Variants in APP observed in about 807,000 individuals in gnomAD.
APP encodes amyloid-beta precursor protein.
In APP, 31 loss-of-function variants were observed where a neutral mutation model predicts 101.4. The observed-to-expected ratio is 0.31, with a 90% CI of 0.23 to 0.41. The LOEUF (loss-of-function observed/expected upper bound fraction) is 0.41, where lower values mean the gene tolerates loss of function less well. Ranked by LOEUF, APP falls within the 10% of genes least tolerant of loss-of-function variation. APP has a pLI of 1.00. For synonymous variants in APP, 366 were observed against 364.4 expected (o/e 1.00, Z -0.05); for missense variants, 839 against 1,003.7 (o/e 0.84, Z 2.22).
intron 10 of APP, among the ~76,000 whole-genome samples, chr21:25,975,742 A>C (rs1263074942): frequency 6.6e-6 from 1 of 152,252 alleles, no homozygotes; most frequent in Non-Finnish European, 1.5e-5. Flanking sequence ...TGTGAGTTTT[A>C]TGGCAATGAA....
At chr21:25,905,216 C>T (rs2038727275) in intron 14 of APP, 139 bp from the exon 15 acceptor site, 1 of 747,464 alleles carries the variant, frequency 1.3e-6, no homozygotes, top group Non-Finnish European at 2.4e-6. Context: ...AGAAAAGAAC[C>T]ACAGTGAGTT....
intron 5 of APP, among the ~76,000 whole-genome samples, chr21:26,036,810 C>T (rs141925442): frequency 2.0e-5 from 3 of 152,226 alleles, no homozygotes; most frequent in South Asian, 2.1e-4. Context: ...AGCTACCATA[C>T]GATCCAGCAA....
chr21:26,119,120 G>C (rs7282911), intron 1 of APP, among the ~76,000 whole-genome samples: 1 of 152,024 alleles, frequency 6.6e-6, no homozygotes, highest in South Asian at 2.1e-4. Flanking sequence ...CTCAAAACCC[G>C]CCTAGAGTCT....
At chr21:25,907,053 G>T (rs542142725) in intron 14 of APP, among the ~76,000 whole-genome samples, 44 of 152,084 alleles carry the variant, frequency 2.9e-4, no homozygotes, top group Non-Finnish European at 5.1e-4. Flanking sequence ...AAAGTAAATG[G>T]TTTTTCCAGG....
At chr21:25,999,223 C>T (rs941869038) in intron 7 of APP, among the ~76,000 whole-genome samples, 5 of 151,926 alleles carry the variant, frequency 3.3e-5, no homozygotes, top group East Asian at 1.9e-4. Context: ...ACCCGGGAGG[C>T]GGAGGTTGCA....
intron 3 of APP, among the ~76,000 whole-genome samples, chr21:26,071,451 C>T (rs748838147): frequency 5.3e-5 from 8 of 152,122 alleles, no homozygotes; most frequent in Admixed American, 2.6e-4. Flanking sequence ...AAGGTCCTGC[C>T]GCACACAGAA....
At chr21:26,005,235 G>A (rs1416261304) in intron 6 of APP, among the ~76,000 whole-genome samples, 4 of 152,032 alleles carry the variant, frequency 2.6e-5, no homozygotes, top group South Asian at 2.1e-4. Flanking sequence ...TCAACATGGC[G>A]AAACCCTGTC....
chr21:25,982,471 G>A lies in APP; in HGVS notation c.1097C>T (p.Thr366Ile), dbSNP rs781704759. 1.9e-6 allele frequency: 3 copies of A among 1,613,812 alleles called. No individual in the cohort carries two copies. The highest frequency in any genetic ancestry group is 2.5e-6 in the Non-Finnish European group (3 of 1,179,830). The part of the protein sequence containing the change: ...PLARDPVKLP[T>I]TAASTPDAVD... The stretch of plus-strand genomic sequence containing the variant: ...GGCATCAGGGGTACTGGCTGCTGTT[G>A]TAGGAACTATAAAGTAGAAGAGAAG... The change falls in exon 9 of 18, where the codon ACA becomes ATA. Residue 366 changes from threonine (T) to isoleucine (I), a missense_variant. By Grantham distance (89) the Thr-to-Ile change is moderately conservative (BLOSUM62 -1). Transcript: ENST00000346798.
chr21:25,895,823 A>G (rs1455182900), intron 16 of APP, among the ~76,000 whole-genome samples: 1 of 152,248 alleles, frequency 6.6e-6, no homozygotes, highest in Admixed American at 6.5e-5. Flanking sequence ...GTGTGAGGTA[A>G]TCAGGAATAA....
chr21:26,071,866 G>A (rs2061417276), intron 3 of APP, among the ~76,000 whole-genome samples: 1 of 152,172 alleles, frequency 6.6e-6, no homozygotes, highest in Admixed American at 6.5e-5. Flanking sequence ...TAAATAAAGT[G>A]TGTACTCAAG....
intron 11 of APP, among the ~76,000 whole-genome samples, chr21:25,968,670 T>C (rs968958447): frequency 5.3e-5 from 8 of 152,120 alleles, no homozygotes; most frequent in African/African-American, 1.9e-4. Context: ...AAAAACAACA[T>C]CTCATAACAC....
rs2045828601 is a variant in APP, at chr21:26,051,271, A to G, written c.469-78T>C. 3.6e-6 allele frequency: 5 copies of G among 1,392,380 alleles called. No homozygotes were observed. In the African/African-American group the frequency reaches 7.2e-5, roughly 20 times the overall value. 86.3% of individuals were successfully genotyped at this position (1,392,380 alleles called of 1,614,324 possible). On this transcript the variant is annotated intron_variant, in intron 4 of 17. Coordinates refer to ENST00000346798, the MANE Select transcript of APP (RefSeq NM_000484.4). ...TAAGAAAACTCCACATAAAATAATC[A>G]ACATGCAGACCCAATATATTAGGAA...
chr21:25,970,376 A>G (rs1009620852), intron 11 of APP, among the ~76,000 whole-genome samples: 2 of 152,154 alleles, frequency 1.3e-5, no homozygotes, highest in Non-Finnish European at 2.9e-5. Context: ...ATCAATGTCC[A>G]TTTAGCAAAG....
intron 3 of APP, among the ~76,000 whole-genome samples, chr21:26,087,727 A>T (rs2061731089): frequency 6.6e-6 from 1 of 152,206 alleles, no homozygotes; most frequent in South Asian, 2.1e-4. Flanking sequence ...CTCTTTCCAT[A>T]ATGGTTAAAA....
chr21:26,154,191 G>A (rs1218841749), intron 1 of APP, among the ~76,000 whole-genome samples: 1 of 152,130 alleles, frequency 6.6e-6, no homozygotes, highest in African/African-American at 2.4e-5. Flanking sequence ...CCAAAACAAG[G>A]GGAGGTAAAT....
chr21:25,918,386 G>A (rs1243518386), intron 13 of APP, among the ~76,000 whole-genome samples: 1 of 152,216 alleles, frequency 6.6e-6, no homozygotes, highest in Non-Finnish European at 1.5e-5. Flanking sequence ...AGCCAAGATG[G>A]CCGAATAGGA....
chr21:25,981,711 GT>G (rs11330953), intron 9 of APP, among the ~76,000 whole-genome samples: 46,055 of 127,352 alleles, frequency 0.36, 8,764 homozygotes, highest in East Asian at 0.52. Context: ...ACCAAAACAG[GT>G]TTTTTTTTTT....
At chr21:26,090,126 T>C (rs989458423) in intron 2 of APP, 54 bp from the exon 3 acceptor site, 1 of 1,609,182 alleles carries the variant, frequency 6.2e-7, no homozygotes, top group Non-Finnish European at 8.5e-7. Flanking sequence ...GGCTGGCATT[T>C]ACAAGCATCT....
intron 13 of APP, among the ~76,000 whole-genome samples, chr21:25,948,550 A>G (rs2040931387): frequency 6.6e-6 from 1 of 150,880 alleles, no homozygotes; most frequent in Admixed American, 6.7e-5. Context: ...ATAATAATTC[A>G]TGTTTTTATT....
Sources: gnomAD v4.1 joint callset for allele counts (sites outside exome capture counted in the v4.1 genomes callset) on GRCh38, gnomAD v4.1.1 for gene constraint, MANE v1.5 for transcripts, NCBI Gene and HGNC (gene_info 2026-07-23, HGNC 2026-07-21) for gene names.